LONP2: variants seen among roughly 807,000 people sequenced by gnomAD.
The protein encoded by LONP2 is lon peptidase 2, peroxisomal, also known as lon protease homolog 2, peroxisomal.
A neutral mutation model predicts 85.6 loss-of-function variants in LONP2; 60 were observed. That is an observed-to-expected ratio of 0.70 (90% CI 0.57 to 0.87). The LOEUF is 0.87. LONP2 is among the 40% of genes least tolerant of loss of function. LONP2 has a pLI of 0.00. For missense variants in LONP2, 860 were observed against 1,063.5 expected, an observed-to-expected ratio of 0.81 and a Z score of 2.66; for synonymous variants, 395 against 389.7, an observed-to-expected ratio of 1.01 and a Z score of -0.16.
intron 8 of LONP2, among the ~76,000 whole-genome samples, chr16:48,278,864 C>T (rs1033898047): frequency 2.6e-5 from 4 of 151,996 alleles, no homozygotes; most frequent in Non-Finnish European, 5.9e-5. Flanking sequence ...TTTTGGAACT[C>T]CCATGACTTG....
At chr16:48,254,467 G>T (rs898902716) in intron 2 of LONP2, among the ~76,000 whole-genome samples, 1 of 151,394 alleles carries the variant, frequency 6.6e-6, no homozygotes, top group African/African-American at 2.4e-5. Context: ...GGGTTCAAGC[G>T]ATTCTCCTGC....
At chr16:48,249,916 G>A (rs1233167669) in intron 1 of LONP2, among the ~76,000 whole-genome samples, 2 of 152,062 alleles carry the variant, frequency 1.3e-5, no homozygotes, top group Non-Finnish European at 2.9e-5. Flanking sequence ...TTTTGGCCAG[G>A]TGTGGTGGCT....
intron 8 of LONP2, among the ~76,000 whole-genome samples, chr16:48,290,371 A>G (rs1276343657): frequency 6.6e-6 from 1 of 152,198 alleles, no homozygotes; most frequent in Non-Finnish European, 1.5e-5. Context: ...GCAGTTCTTC[A>G]GCAACCGACC....
At position 48,352,085 on chromosome 16, in the gene LONP2, AT is replaced by A; in HGVS notation, c.*284del. On this transcript the variant is annotated 3_prime_UTR_variant, in exon 15 of 15. Transcript: ENST00000285737. ...TCAGCACAGTCTCCAGAACAGAAGC[AT>A]CTGTAGTACCTGGTAACTTGTTAGA... 2.8e-6 allele frequency: 1 copy of A among 353,678 alleles called. No individual in the cohort carries two copies. The highest frequency in any genetic ancestry group is 5.2e-6 in the Non-Finnish European group (1 of 193,458). The allele number at this position is 353,678 out of a possible 1,614,324, so 21.9% of individuals were successfully genotyped here.
chr16:48,331,481 A>G (rs774925938), intron 11 of LONP2, among the ~76,000 whole-genome samples: 2 of 152,218 alleles, frequency 1.3e-5, no homozygotes, highest in Non-Finnish European at 2.9e-5. Context: ...GATGTTACAG[A>G]GGTACAATTA....
chr16:48,287,274 G>A (rs1433974264), intron 8 of LONP2, among the ~76,000 whole-genome samples: 1 of 152,194 alleles, frequency 6.6e-6, no homozygotes, highest in Non-Finnish European at 1.5e-5. Flanking sequence ...GTCTTTCCTG[G>A]ATATACTTAG....
At chr16:48,271,771 TAAAC>T (rs1972111040) in intron 7 of LONP2, among the ~76,000 whole-genome samples, 1 of 152,176 alleles carries the variant, frequency 6.6e-6, no homozygotes, top group African/African-American at 2.4e-5. Flanking sequence ...TTTTAGTAAA[TAAAC>T]AATGAGGCGT....
At chr16:48,265,708 T>C (rs1263318649) in intron 6 of LONP2, among the ~76,000 whole-genome samples, 1 of 152,238 alleles carries the variant, frequency 6.6e-6, no homozygotes, top group Non-Finnish European at 1.5e-5. Context: ...TCAGGGTCTT[T>C]TGTAATTTCT....
At chr16:48,253,863 A>G (rs1971702902) in intron 2 of LONP2, among the ~76,000 whole-genome samples, 1 of 152,174 alleles carries the variant, frequency 6.6e-6, no homozygotes. Context: ...GTTCATATTC[A>G]ATTATATGTT....
In LONP2 at chr16:48,356,056, T is replaced by C. The variant is rs1180660995; in HGVS notation, c.*4254T>C. On this transcript the variant is annotated 3_prime_UTR_variant, in exon 15 of 15. Coordinates refer to ENST00000285737, the MANE Select transcript of LONP2 (RefSeq NM_031490.5). ...TGTGAACCTTACCTCAAACCATGCATCTGGGGCAGAGATCCTTACTTGCTT... is the reference window on the plus strand; with the variant it reads ...TGTGAACCTTACCTCAAACCATGCACCTGGGGCAGAGATCCTTACTTGCTT... 6.6e-6 allele frequency: 1 copy of C among 152,190 alleles called. No individual in the cohort carries two copies. Among genetic ancestry groups the C allele is most frequent in the East Asian group, 1.9e-4 (1 of 5,192 alleles). The allele number at this position is 152,190 out of a possible 1,614,324, so 9.4% of individuals were successfully genotyped here. A position where few individuals can be genotyped will look rare whatever the true frequency, so the allele number is the denominator to read the frequency against.
chr16:48,322,043 C>T (rs1310303683), intron 11 of LONP2, among the ~76,000 whole-genome samples: 1 of 151,724 alleles, frequency 6.6e-6, no homozygotes, highest in Non-Finnish European at 1.5e-5. Flanking sequence ...ACCTCATCCT[C>T]CTAAGTAGCT....
At chr16:48,361,658 T>C (rs775586904), downstream of LONP2, 3 of 1,613,094 alleles carry the variant, frequency 1.9e-6, no homozygotes, top group Non-Finnish European at 2.5e-6. Flanking sequence ...TGTCAAAGAC[T>C]AGACAGTCGC....
At chr16:48,312,609 C>T (rs1414280710) in intron 11 of LONP2, among the ~76,000 whole-genome samples, 1 of 152,052 alleles carries the variant, frequency 6.6e-6, no homozygotes, top group East Asian at 1.9e-4. Context: ...ATGCCAGTGA[C>T]AGTAGTAATG....
At chr16:48,337,546 G>A (rs529283385) in intron 12 of LONP2, among the ~76,000 whole-genome samples, 1 of 152,216 alleles carries the variant, frequency 6.6e-6, no homozygotes, top group South Asian at 2.1e-4. Context: ...AATGAGATTT[G>A]GTTCTAGACC....
chr16:48,305,645 C>T (rs907458542), intron 11 of LONP2, among the ~76,000 whole-genome samples: 1 of 152,124 alleles, frequency 6.6e-6, no homozygotes, highest in Non-Finnish European at 1.5e-5. Context: ...TTCAGGGCTA[C>T]CTTGAATTCT....
intron 2 of LONP2, among the ~76,000 whole-genome samples, chr16:48,253,477 AAAAAAG>A (rs1971695963): frequency 6.6e-6 from 1 of 152,178 alleles, no homozygotes; most frequent in African/African-American, 2.4e-5. Context: ...CTCAAAAAAA[AAAAAAG>A]AAAAATAGAA....
In LONP2 at chr16:48,261,514, A is replaced by C. The variant is rs761298665; in HGVS notation, c.814A>C (p.Met272Leu). The C allele has an allele frequency of 3.7e-6, 6 of 1,607,706 alleles. No homozygotes were observed. The highest frequency in any genetic ancestry group is 5.1e-6 in the Non-Finnish European group (6 of 1,176,816). Reference sequence around the variant, plus strand: ...AGATGAAGATAATGATGACATTGTCATGCTAGAGAAAAAAATACGAACATC... The same window carrying C: ...AGATGAAGATAATGATGACATTGTCCTGCTAGAGAAAAAAATACGAACATC... ...DEDEDNDDIVMLEKKIRTSSM... is the reference protein window; with the variant it reads ...DEDEDNDDIVLLEKKIRTSSM... Residue 272 changes from methionine (M) to leucine (L), a missense_variant, in exon 5 of 15, where the codon ATG becomes CTG. By Grantham distance (15) the Met-to-Leu change is conservative (BLOSUM62 2). Transcript: ENST00000285737.
chr16:48,319,970 G>C (rs1312269058), intron 11 of LONP2, among the ~76,000 whole-genome samples: 2 of 152,020 alleles, frequency 1.3e-5, no homozygotes, highest in African/African-American at 4.8e-5. Context: ...AGACCAGCCT[G>C]GCCAAGATGG....
chr16:48,359,066 C>G (rs542086443), downstream of LONP2, among the ~76,000 whole-genome samples: 4 of 152,296 alleles, frequency 2.6e-5, no homozygotes, highest in South Asian at 8.3e-4. Flanking sequence ...TGGCTCACTG[C>G]AACCTCCGCT....
Sources: allele counts gnomAD v4.1 joint callset (sites outside exome capture counted in the v4.1 genomes callset), GRCh38; gene constraint gnomAD v4.1.1; transcripts MANE v1.5; gene names NCBI Gene and HGNC (gene_info 2026-07-23, HGNC 2026-07-21).